The following TMEM132D variants were observed in gnomAD, a reference collection of about 807,000 sequenced individuals.
TMEM132D encodes the protein mature OL transmembrane protein.
Under a neutral mutation model 62.3 loss-of-function variants are expected in TMEM132D, and 21 were observed. The ratio of observed to expected loss-of-function variants is 0.34; its 90% CI spans 0.24 to 0.49. The LOEUF (loss-of-function observed/expected upper bound fraction) is 0.49, where lower values mean the gene tolerates loss of function less well. Among genes scored for constraint, TMEM132D ranks in the 20% least tolerant of loss-of-function variants. TMEM132D has a pLI of 0.99. For synonymous variants in TMEM132D, 621 were observed against 575.6 expected (o/e 1.08, Z -1.13); for missense variants, 1,346 against 1,402.8 (o/e 0.96, Z 0.65).
At chr12:129,166,667 G>A (rs548906069) in intron 5 of TMEM132D, among the ~76,000 whole-genome samples, 5 of 145,406 alleles carry the variant, frequency 3.4e-5, no homozygotes, top group East Asian at 4.0e-4. Flanking sequence ...CTGGGACTAC[G>A]CAAGGACATA....
At chr12:129,883,760 C>T (rs535106646) in intron 1 of TMEM132D, among the ~76,000 whole-genome samples, 2 of 152,224 alleles carry the variant, frequency 1.3e-5, no homozygotes, top group South Asian at 2.1e-4. Context: ...GTCAGACAAC[C>T]TTGACAAAAA....
intron 4 of TMEM132D, among the ~76,000 whole-genome samples, chr12:129,225,795 G>A (rs866704676): frequency 3.3e-5 from 5 of 152,178 alleles, no homozygotes; most frequent in East Asian, 1.9e-4. Flanking sequence ...ATAACCTGCC[G>A]TGCCTTTCAA....
chr12:129,632,023 C>A (rs771715802), intron 2 of TMEM132D, among the ~76,000 whole-genome samples: 35 of 152,154 alleles, frequency 2.3e-4, no homozygotes, highest in Non-Finnish European at 3.8e-4. Context: ...ACGTTCACTG[C>A]AGCATTATTT....
rs546087420 is a variant in TMEM132D at position 129,092,134 on chromosome 12, C to T, written c.1444-7432G>A. Among the ~76,000 whole-genome samples the T allele has an allele frequency of 2.3e-4, 35 of 152,242 alleles. 1 individual carries two copies. In the South Asian group the frequency reaches 5.0e-3, roughly 22 times the overall value. ...CCATTTCCAGCCAGTCACACTGTTC[C>T]GTTATAGGGATATAGTTAATATTTC... On this transcript the variant is annotated intron_variant, in intron 5 of 8. Transcript: ENST00000422113.
rs1221070336 is a variant in TMEM132D at position 129,503,962 on chromosome 12, GTCATCATCATCACTATTGTCA to G, written c.1115+27076_1115+27096del. Among the ~76,000 whole-genome samples the G allele has an allele frequency of 1.7e-4, 26 of 149,300 alleles. No individual in the cohort carries two copies. The South Asian group carries it at 5.2e-3, about 30-fold the overall frequency. On this transcript the variant is annotated intron_variant, in intron 3 of 8. Coordinates refer to ENST00000422113, the MANE Select transcript of TMEM132D (RefSeq NM_133448.3). ...CATCATCATCACCATCATCACTATT[GTCATCATCATCACTATTGTCA>G]TCATCATCATTATTGTCATCATTAC...
intron 4 of TMEM132D, among the ~76,000 whole-genome samples, chr12:129,326,153 C>T (rs745509568): frequency 3.3e-5 from 5 of 152,218 alleles, no homozygotes; most frequent in Non-Finnish European, 5.9e-5. Flanking sequence ...CCCGTGGACA[C>T]TCTCCATGGG....
chr12:129,865,505 C>T (rs1874030799), intron 1 of TMEM132D, among the ~76,000 whole-genome samples: 2 of 152,272 alleles, frequency 1.3e-5, no homozygotes, highest in South Asian at 4.1e-4. Context: ...AACTTCTGCT[C>T]AACAGTTCTA....
intron 2 of TMEM132D, among the ~76,000 whole-genome samples, chr12:129,676,191 A>AT (rs1331242522): frequency 2.6e-5 from 4 of 151,984 alleles, no homozygotes; most frequent in East Asian, 1.9e-4. Flanking sequence ...CTAGCAAAAA[A>AT]TAAACCACAT....
At chr12:129,340,464 C>A (rs1013813520) in intron 3 of TMEM132D, among the ~76,000 whole-genome samples, 7 of 152,086 alleles carry the variant, frequency 4.6e-5, no homozygotes, top group African/African-American at 1.4e-4. Context: ...CCCTTCCCCC[C>A]ACCCCACAAT....
At chr12:129,534,111 C>T (rs970975918) in intron 2 of TMEM132D, among the ~76,000 whole-genome samples, 3 of 152,198 alleles carry the variant, frequency 2.0e-5, no homozygotes, top group East Asian at 3.8e-4. Context: ...CTAATTTCTC[C>T]CTTTGTTTAT....
intron 5 of TMEM132D, among the ~76,000 whole-genome samples, chr12:129,160,052 A>G (rs1877357727): frequency 6.6e-6 from 1 of 152,170 alleles, no homozygotes; most frequent in Non-Finnish European, 1.5e-5. Context: ...AAAGGAGAGG[A>G]AAAAGCTTGT....
chr12:129,685,449 G>C (rs1365039491), intron 2 of TMEM132D, among the ~76,000 whole-genome samples: 2 of 152,230 alleles, frequency 1.3e-5, no homozygotes, highest in Admixed American at 6.5e-5. Flanking sequence ...TGAGCCTGCA[G>C]GTGCACAGAA....
intron 3 of TMEM132D, among the ~76,000 whole-genome samples, chr12:129,498,524 G>A (rs1171923070): frequency 1.3e-5 from 2 of 152,148 alleles, no homozygotes; most frequent in African/African-American, 4.8e-5. Context: ...AAAGCGCTGG[G>A]ATTAGAGGCA....
chr12:129,153,267 GC>G (rs1470350358), intron 5 of TMEM132D, among the ~76,000 whole-genome samples: 1 of 152,180 alleles, frequency 6.6e-6, no homozygotes, highest in East Asian at 1.9e-4. Flanking sequence ...TGCAGTAGCC[GC>G]AAGTCAGAGA....
At chr12:129,811,462 G>C (rs1277889429) in intron 1 of TMEM132D, among the ~76,000 whole-genome samples, 1 of 151,630 alleles carries the variant, frequency 6.6e-6, no homozygotes, top group East Asian at 2.0e-4. Context: ...CCTCAAGCAA[G>C]AGGACTCTCC....
At chr12:129,619,521 G>A (rs944288174) in intron 2 of TMEM132D, among the ~76,000 whole-genome samples, 1 of 152,150 alleles carries the variant, frequency 6.6e-6, no homozygotes, top group Non-Finnish European at 1.5e-5. Flanking sequence ...CTATTCCTAA[G>A]GGATTCATTT....
chr12:129,403,811 G>A (rs1314512771), intron 3 of TMEM132D, among the ~76,000 whole-genome samples: 1 of 152,190 alleles, frequency 6.6e-6, no homozygotes, highest in Non-Finnish European at 1.5e-5. Flanking sequence ...AAGGTAGGCA[G>A]AGGAGACTCT....
At chr12:129,880,124 A>C (rs1206807414) in intron 1 of TMEM132D, among the ~76,000 whole-genome samples, 2 of 152,200 alleles carry the variant, frequency 1.3e-5, no homozygotes, top group Non-Finnish European at 2.9e-5. Context: ...AGCAAAAAAA[A>C]AGACACATTA....
chr12:129,285,661 T>C (rs1039083542), intron 4 of TMEM132D, among the ~76,000 whole-genome samples: 1 of 152,108 alleles, frequency 6.6e-6, no homozygotes, highest in African/African-American at 2.4e-5. Context: ...TGACTAAAAT[T>C]TACTTTCATC....
Sources: allele counts gnomAD v4.1 joint callset (sites outside exome capture counted in the v4.1 genomes callset), GRCh38; gene constraint gnomAD v4.1.1; transcripts MANE v1.5; gene names NCBI Gene and HGNC (gene_info 2026-07-23, HGNC 2026-07-21).